Variants in FLYWCH2 observed in about 807,000 individuals in gnomAD.
The protein encoded by FLYWCH2 is FLYWCH family member 2.
FLYWCH2 carries 2 observed loss-of-function variants against 6.0 expected under a neutral mutation model. The ratio of observed to expected loss-of-function variants is 0.33; its 90% CI spans 0.14 to 1.04. The LOEUF (loss-of-function observed/expected upper bound fraction) is 1.04. Ranked by LOEUF, FLYWCH2 falls within the 50% of genes least tolerant of loss-of-function variation. FLYWCH2 has a pLI of 0.45. For synonymous variants in FLYWCH2, 87 were observed against 79.3 expected (o/e 1.10, Z -0.52); for missense variants, 192 against 183.4 (o/e 1.05, Z -0.27).
chr16:2,887,545 C>T (rs918170949), intron 1 of FLYWCH2, among the ~76,000 whole-genome samples: 5 of 151,572 alleles, frequency 3.3e-5, no homozygotes, highest in Admixed American at 2.6e-4. Context: ...TTCAGTGGTC[C>T]TAGCATTTAA....
intron 2 of FLYWCH2, 75 bp from the exon 3 acceptor site, chr16:2,896,277 C>T (rs1214874213): frequency 2.0e-5 from 16 of 816,418 alleles, no homozygotes; most frequent in Non-Finnish European, 2.8e-5. Context: ...CCATCTGCCC[C>T]ACCTCCCTCC....
At chr16:2,893,278 C>G (rs2069780250) in intron 1 of FLYWCH2, among the ~76,000 whole-genome samples, 1 of 152,116 alleles carries the variant, frequency 6.6e-6, no homozygotes, top group South Asian at 2.1e-4. Context: ...AAGTCCCAAC[C>G]CTCTAACCCT....
intron 1 of FLYWCH2, among the ~76,000 whole-genome samples, chr16:2,893,863 C>T (rs113475902): frequency 0.12 from 17,933 of 151,856 alleles, 1,430 homozygotes; most frequent in Middle Eastern, 0.18. Flanking sequence ...TGGTCTCGAT[C>T]TCCTGACCTT....
chr16:2,884,564 A>AAAAAAAAAAAAAAC (rs1567301721), intron 1 of FLYWCH2, among the ~76,000 whole-genome samples: 17 of 141,598 alleles, frequency 1.2e-4, no homozygotes, highest in African/African-American at 4.5e-4. Context: ...CTACTAAAAA[A>AAAAAAAAAAAAAAC]AAAAAAAAAA....
In FLYWCH2 at chr16:2,898,511, GTCTGGCTCAGGA is replaced by G. The variant is rs1289347863; in HGVS notation, c.323-533_323-522del. The stretch of plus-strand genomic sequence containing the variant: ...CCTGCAGAGGGCAGAGGGGGTTGGA[GTCTGGCTCAGGA>G]TCTGTTACACCTGAGCTCTGTGGAA... On this transcript the variant is annotated intron_variant, in intron 3 of 3. Transcript: ENST00000396958. Among the ~76,000 whole-genome samples the G allele has an allele frequency of 3.9e-5, 6 of 152,358 alleles. No individual in the cohort carries two copies. In the East Asian group the frequency reaches 1.2e-3, roughly 29 times the overall value.
At chr16:2,896,311 A>G (rs1410411757) in intron 2 of FLYWCH2, 41 bp from the exon 3 acceptor site, 1 of 1,152,988 alleles carries the variant, frequency 8.7e-7, no homozygotes, top group Admixed American at 2.9e-5. Context: ...AGAGCCTCCC[A>G]AGGGCTTCCA....
At chr16:2,887,288 G>A (rs1321937094) in intron 1 of FLYWCH2, among the ~76,000 whole-genome samples, 2 of 148,752 alleles carry the variant, frequency 1.3e-5, no homozygotes, top group African/African-American at 5.0e-5. Context: ...TGGGACCACG[G>A]GTGCACACCA....
chr16:2,896,929 G>A, intron 3 of FLYWCH2, 158 bp downstream of exon 3: 1 of 729,000 alleles, frequency 1.4e-6, no homozygotes, highest in Non-Finnish European at 2.2e-6. Flanking sequence ...TTAGGGCACA[G>A]GCCTGGGCAT....
At chr16:2,891,894 G>A (rs2069762140) in intron 1 of FLYWCH2, among the ~76,000 whole-genome samples, 1 of 151,432 alleles carries the variant, frequency 6.6e-6, no homozygotes, top group African/African-American at 2.4e-5. Flanking sequence ...GTGGCCCAAA[G>A]AACTCAAGGA....
chr16:2,884,578 T>TA (rs1567301767), intron 1 of FLYWCH2, among the ~76,000 whole-genome samples: 1 of 66,992 alleles, frequency 1.5e-5, no homozygotes, highest in African/African-American at 6.4e-5. Flanking sequence ...AAAAAAAAAA[T>TA]ACAAAAATTA....
Position 2,896,519 on chromosome 16 carries a change from C to T in FLYWCH2, c.70C>T (p.Pro24Ser). Residue 24 changes from proline to serine, a missense_variant, in exon 3 of 4, where the codon CCA (proline) becomes TCA (serine). Coordinates refer to ENST00000396958, the MANE Select transcript of FLYWCH2 (RefSeq NM_138439.3). ...VKASQEPSPK[P>S]GTEVIPAAPR... ...GGCCAGCCAGGAGCCATCCCCCAAG[C>T]CAGGCACAGAAGTCATCCCGGCAGC... 6.2e-7 allele frequency: 1 copy of T among 1,614,130 alleles called. No individual in the cohort carries two copies. The highest frequency in any genetic ancestry group is 8.5e-7 in the Non-Finnish European group (1 of 1,179,992).
Position 2,896,540 on chromosome 16 carries a change from G to A in FLYWCH2, c.91G>A (p.Ala31Thr), listed in dbSNP as rs142111061. The part of the protein sequence containing the change: ...SPKPGTEVIP[A>T]APRKPRKFSK... ...CAAGCCAGGCACAGAAGTCATCCCG[G>A]CAGCCCCCAGGAAGCCCAGAAAGTT... is the stretch of plus-strand genomic sequence containing the variant. Residue 31 changes from alanine (A) to threonine (T), a missense_variant, in exon 3 of 4, where the codon GCA (alanine) becomes ACA (threonine). By Grantham distance (58) the Ala-to-Thr change is moderately conservative. Coordinates refer to ENST00000396958, the MANE Select transcript of FLYWCH2 (RefSeq NM_138439.3). 3.3e-3 allele frequency: 5,344 copies of A among 1,614,154 alleles called. 29 individuals carry two copies. Among genetic ancestry groups the A allele is most frequent in the Non-Finnish European group, 3.1e-3 (3,649 of 1,180,016 alleles).
At chr16:2,894,303 G>A (rs1476962111) in intron 1 of FLYWCH2, among the ~76,000 whole-genome samples, 3 of 152,172 alleles carry the variant, frequency 2.0e-5, no homozygotes, top group African/African-American at 7.2e-5. Flanking sequence ...TGGCAGAACC[G>A]ACACGGCGGG....
intron 1 of FLYWCH2, among the ~76,000 whole-genome samples, chr16:2,886,538 T>C (rs1428333742): frequency 2.4e-4 from 26 of 109,586 alleles, no homozygotes; most frequent in Non-Finnish European, 1.9e-5. Context: ...TTTTTTTTTT[T>C]TGAGGCGGAT....
intron 1 of FLYWCH2, among the ~76,000 whole-genome samples, chr16:2,893,634 CTTTTTTTTT>C (rs35147234): frequency 7.1e-5 from 8 of 111,928 alleles, no homozygotes; most frequent in Admixed American, 3.0e-4. Context: ...TTCTTTTCTT[CTTTTTTTTT>C]TTTTTTTTTT....
chr16:2,886,327 G>T (rs1424744947), intron 1 of FLYWCH2, among the ~76,000 whole-genome samples: 1 of 150,926 alleles, frequency 6.6e-6, no homozygotes, highest in Non-Finnish European at 1.5e-5. Context: ...TGAGTAGCTG[G>T]GATTACAGGC....
In FLYWCH2 at chr16:2,896,458, G is replaced by C. The variant is rs1193401338; in HGVS notation, c.9G>C (p.Leu3=). The part of the protein sequence containing the change: MP[L]PEPSEQEGES... ...AGGCCCTGGGTCCCGGGATGCCCCT[G>C]CCCGAGCCCAGCGAGCAGGAGGGTG... The change falls in exon 3 of 4, where the codon CTG becomes CTC. Residue 3 remains leucine, a synonymous_variant. Transcript: ENST00000396958. The C allele has an allele frequency of 1.2e-6, 2 of 1,611,802 alleles. No homozygotes were observed. Among genetic ancestry groups the C allele is most frequent in the Non-Finnish European group, 1.7e-6 (2 of 1,178,862 alleles).
At chr16:2,893,017 T>TAC (rs1262506372) in intron 1 of FLYWCH2, among the ~76,000 whole-genome samples, 10 of 106,830 alleles carry the variant, frequency 9.4e-5, no homozygotes, top group Non-Finnish European at 1.5e-4. Context: ...TATTTATATA[T>TAC]ATACACACAC....
intron 1 of FLYWCH2, among the ~76,000 whole-genome samples, chr16:2,893,120 TG>T (rs2069778772): frequency 6.6e-6 from 1 of 151,958 alleles, no homozygotes; most frequent in Non-Finnish European, 1.5e-5. Flanking sequence ...AAGGACTCCA[TG>T]TGTTCCTGGA....
Sources: allele counts gnomAD v4.1 joint callset (sites outside exome capture counted in the v4.1 genomes callset), GRCh38; gene constraint gnomAD v4.1.1; transcripts MANE v1.5; gene names NCBI Gene and HGNC (gene_info 2026-07-23, HGNC 2026-07-21).